GCN1: variants seen among roughly 807,000 people sequenced by gnomAD.
The protein encoded by GCN1 is GCN1 activator of EIF2AK4.
GCN1 carries 90 observed loss-of-function variants against 288.4 expected under a neutral mutation model. The observed-to-expected ratio is 0.31, with a 90% CI of 0.26 to 0.37. The LOEUF is 0.37. Among genes scored for constraint, GCN1 ranks in the 10% least tolerant of loss-of-function variants. The probability of loss-of-function intolerance (pLI) is 1.00; values close to 1 mark genes in which losing one functional copy is unlikely to be tolerated. For synonymous variants in GCN1, 1,386 were observed against 1,420.2 expected, an observed-to-expected ratio of 0.98 and a Z score of 0.54; for missense variants, 2,586 against 3,419.9, an observed-to-expected ratio of 0.76 and a Z score of 6.08.
intron 42 of GCN1, 69 bp from the exon 43 acceptor site, chr12:120,143,010 C>A (rs1023769992): frequency 1.1e-6 from 1 of 889,744 alleles, no homozygotes; most frequent in East Asian, 2.4e-5. Flanking sequence ...GAGCACTGCA[C>A]AGAAGATGGA....
chr12:120,158,647 T>C lies in GCN1; in HGVS notation c.2750-32A>G, dbSNP rs770863414. ...TGAAGAGGAGAGACCCAGCAGGAGA[T>C]GACACACAGAGATGTGGAATCCAGC... On this transcript the variant is annotated intron_variant, in intron 24 of 57. Coordinates refer to ENST00000300648, the MANE Select transcript of GCN1 (RefSeq NM_006836.2). This position sits in a 1 kb window ranked among gnomAD's most constrained non-coding sequence, Gnocchi z 4.3. The C allele has an allele frequency of 7.0e-6, 11 of 1,567,976 alleles. No individual in the cohort carries two copies. Among genetic ancestry groups the C allele is most frequent in the Middle Eastern group, 3.4e-4 (2 of 5,960 alleles).
In GCN1 at chr12:120,190,200, G is replaced by C. The variant is rs1225912555; in HGVS notation, c.121+98C>G. The C allele has an allele frequency of 2.6e-5, 18 of 685,630 alleles. No individual in the cohort carries two copies. In the East Asian group the frequency reaches 4.5e-4, roughly 17 times the overall value. The allele number at this position is 685,630 out of a possible 1,614,324, so 42.5% of individuals were successfully genotyped here. A position where few individuals can be genotyped will look rare whatever the true frequency, so the allele number is the denominator to read the frequency against. On this transcript the variant is annotated intron_variant, in intron 2 of 57. Transcript: ENST00000300648. The stretch of plus-strand genomic sequence containing the variant: ...AGATCGTGCCATTGCACTTCAGCCA[G>C]GGCAACAGTGAGAGACTCTGTCTCA...
Position 120,142,053 on chromosome 12 carries a change from G to A in GCN1, c.5829+454C>T, listed in dbSNP as rs1022875843. Among the ~76,000 whole-genome samples, 4 of 152,196 alleles carry A rather than the reference G, an allele frequency of 2.6e-5. No homozygotes were observed. The highest frequency in any genetic ancestry group is 7.2e-5 in the African/African-American group (3 of 41,444). On this transcript the variant is annotated intron_variant, in intron 44 of 57. Coordinates refer to ENST00000300648, the MANE Select transcript of GCN1 (RefSeq NM_006836.2). This position sits in a 1 kb window ranked among gnomAD's most constrained non-coding sequence, Gnocchi z 4.9. ...TAATAAATATTTGCAGAGGCCAGGC[G>A]TGGTGGCTCAAGCCTGTAATCCCAG...
intron 2 of GCN1, among the ~76,000 whole-genome samples, chr12:120,186,147 TG>T (rs2139143313): frequency 6.6e-6 from 1 of 152,018 alleles, no homozygotes; most frequent in Admixed American, 6.5e-5. Flanking sequence ...AAGACCAGCC[TG>T]GCCAACACGG....
intron 45 of GCN1, 93 bp from the exon 46 acceptor site, chr12:120,138,949 C>T: frequency 5.0e-6 from 5 of 1,003,056 alleles, no homozygotes; most frequent in Non-Finnish European, 7.4e-6. Context: ...TCTGACCCAG[C>T]TAGGCCACCC....
At position 120,134,549 on chromosome 12, in the gene GCN1, C is replaced by G. The variant is rs764974842; in HGVS notation, c.7186G>C (p.Glu2396Gln). 1 of 1,613,850 alleles carries G rather than the reference C, an allele frequency of 6.2e-7. No individual in the cohort carries two copies. Among genetic ancestry groups the G allele is most frequent in the East Asian group, 2.2e-5 (1 of 44,898 alleles). The change falls in exon 52 of 58, where the codon GAG (glutamate) becomes CAG (glutamine). Residue 2396 changes from glutamate to glutamine, a missense_variant. Glu to Gln is a conservative substitution (Grantham distance 29). Coordinates refer to ENST00000300648, the MANE Select transcript of GCN1 (RefSeq NM_006836.2). The surrounding 1 kb of genome is among the most constrained non-coding windows in gnomAD (Gnocchi z 5.0). ...TELLNGIRAM[E>Q]DPGVRDTMLQ... ...GCGCCGTACCTGACACCTGGGTCCT[C>G]CATGGCGCGGATGCCATTGAGCAGC...
Position 120,155,029 on chromosome 12 carries a change from T to TG in GCN1, c.3641dup (p.Val1215SerfsTer49). The TG allele has an allele frequency of 1.9e-6, 3 of 1,613,770 alleles. No homozygotes were observed. Among genetic ancestry groups the TG allele is most frequent in the Non-Finnish European group, 1.7e-6 (2 of 1,179,678 alleles). ...TAACTCGTCCCAAAGCATCCAGCAC[T>TG]GGGGGCGGCCGCTGCAACAGACAAG... is the stretch of plus-strand genomic sequence containing the variant. On this transcript the variant is annotated frameshift_variant, in exon 31 of 58. Coordinates refer to ENST00000300648, the MANE Select transcript of GCN1 (RefSeq NM_006836.2). LOFTEE classifies it high-confidence loss of function. This position sits in a 1 kb window ranked among gnomAD's most constrained non-coding sequence, Gnocchi z 4.9.
Position 120,159,953 on chromosome 12 carries a change from G to T in GCN1, c.2621C>A (p.Thr874Asn). 6.2e-7 allele frequency: 1 copy of T among 1,614,132 alleles called. No individual in the cohort carries two copies. The highest frequency in any genetic ancestry group is 1.3e-5 in the African/African-American group (1 of 75,066). ...IILAKNPSGL[T>N]QYIPVLVDSF... is the part of the protein sequence containing the mutation. Reference sequence around the variant, plus strand: ...GTCGACCAAAACAGGGATGTACTGGGTCAGGCCGGACGGGTTCTTGGCCAG... The same window carrying T: ...GTCGACCAAAACAGGGATGTACTGGTTCAGGCCGGACGGGTTCTTGGCCAG... The change falls in exon 24 of 58, where the codon ACC becomes AAC. Residue 874 changes from threonine to asparagine, a missense_variant. Transcript: ENST00000300648.
chr12:120,138,049 T>C lies in GCN1; in HGVS notation c.6250-5A>G. ...GTTGACAGGTGGCGTTGTCAGCTGGTGGAATGACAAACATTAACTCAGTGA... is the reference window on the plus strand; with the variant it reads ...GTTGACAGGTGGCGTTGTCAGCTGGCGGAATGACAAACATTAACTCAGTGA... On this transcript the variant is annotated splice_polypyrimidine_tract_variant and splice_region_variant and intron_variant, in intron 47 of 57. Transcript: ENST00000300648. 1 of 1,609,636 alleles carries C rather than the reference T, an allele frequency of 6.2e-7. No individual in the cohort carries two copies. The highest frequency in any genetic ancestry group is 1.1e-5 in the South Asian group (1 of 90,468).
At position 120,128,474 on chromosome 12, in the gene GCN1, T is replaced by TAC. The variant is rs202085997; in HGVS notation, c.7891-502_7891-501dup. On this transcript the variant is annotated intron_variant, in intron 57 of 57. Coordinates refer to ENST00000300648, the MANE Select transcript of GCN1 (RefSeq NM_006836.2). ...CCTCAGCTTCCCGAGTAGCTGAGAT[T>TAC]ACAGACATAGCGCCACCACACCTGG... Among the ~76,000 whole-genome samples, 970 of 151,992 alleles carry TAC rather than the reference T, an allele frequency of 6.4e-3. 20 individuals carry two copies. Among genetic ancestry groups the TAC allele is most frequent in the African/African-American group, 0.022 (931 of 41,448 alleles).
intron 46 of GCN1, 32 bp downstream of exon 46, chr12:120,138,663 C>T (rs1191925122): frequency 3.8e-6 from 6 of 1,596,098 alleles, no homozygotes; most frequent in Middle Eastern, 1.7e-4. Flanking sequence ...AAAAGCCAAA[C>T]TGGTAGGTAG....
At chr12:120,128,466 G>A (rs1876692427) in intron 57 of GCN1, among the ~76,000 whole-genome samples, 3 of 151,932 alleles carry the variant, frequency 2.0e-5, no homozygotes, top group East Asian at 1.9e-4. Flanking sequence ...TTCCCGAGTA[G>A]CTGAGATTAC....
chr12:120,160,135 C>T lies in GCN1; in HGVS notation c.2550+7G>A. 6.3e-7 allele frequency: 1 copy of T among 1,598,554 alleles called. No individual in the cohort carries two copies. Among genetic ancestry groups the T allele is most frequent in the Non-Finnish European group, 8.6e-7 (1 of 1,166,602 alleles). On this transcript the variant is annotated splice_region_variant and intron_variant, in intron 23 of 57. Coordinates refer to ENST00000300648, the MANE Select transcript of GCN1 (RefSeq NM_006836.2). ...GGCTTGAGCATGTGGCGGAGGTGGC[C>T]ACTCACCTCCTGCAGCCGCCTCCGG... is the stretch of plus-strand genomic sequence containing the variant.
intron 15 of GCN1, 63 bp downstream of exon 15, chr12:120,170,106 C>A: frequency 7.0e-7 from 1 of 1,438,102 alleles, no homozygotes. Context: ...TCAAGACACA[C>A]CTCCCAAGGA....
Position 120,145,307 on chromosome 12 carries a change from G to A in GCN1, c.4971C>T (p.Ser1657=), listed in dbSNP as rs758409459. 5.0e-6 allele frequency: 8 copies of A among 1,599,054 alleles called. No individual in the cohort carries two copies. Among genetic ancestry groups the A allele is most frequent in the South Asian group, 2.2e-5 (2 of 89,174 alleles). ...DQKDLAPYLP[S]VTPGLKASLL... is the part of the protein sequence containing the mutation. ...GCGATGCTTTCAGGCCAGGCGTCAC[G>A]CTGGGCAGGTACGGAGCCAAGTCCT... The change falls in exon 39 of 58, where the codon AGC becomes AGT. Residue 1657 remains serine, a synonymous_variant. Transcript: ENST00000300648.
chr12:120,161,530 T>C lies in GCN1; in HGVS notation c.2396A>G (p.Tyr799Cys), dbSNP rs1442462469. 1.2e-6 allele frequency: 2 copies of C among 1,614,058 alleles called. No individual in the cohort carries two copies. Among genetic ancestry groups the C allele is most frequent in the Non-Finnish European group, 1.7e-6 (2 of 1,179,904 alleles). ...CTCGATGATCTGCTCTTTGAAGGAA[T>C]AAGCTTTGTTCTCTCGCTTCATGTT... ...KANMKRENKA[Y>C]SFKEQIIELE... is the part of the protein sequence containing the mutation. The change falls in exon 22 of 58, where the codon TAT (tyrosine) becomes TGT (cysteine). Residue 799 changes from tyrosine to cysteine, a missense_variant. Physicochemically the swap from Tyr to Cys is radical, Grantham distance 194. Around this residue, in one of 8 missense-constraint regions of GCN1, gnomAD observed 913 missense variants for 1,107.0 expected, o/e 0.82. Transcript: ENST00000300648.
chr12:120,190,327 C>T lies in GCN1; in HGVS notation c.92G>A (p.Ser31Asn), dbSNP rs1431290954. ...ASVKERREIL[S>N]ELGKCVAGKD... ...TCCAGCAACACACTTCCCAAGTTCACTGAGGATTTCTCTCCGTTCCTTTAC... is the reference window on the plus strand; with the variant it reads ...TCCAGCAACACACTTCCCAAGTTCATTGAGGATTTCTCTCCGTTCCTTTAC... The change falls in exon 2 of 58, where the codon AGT becomes AAT. Residue 31 changes from serine (S) to asparagine (N), a missense_variant. Around this residue, in one of 8 missense-constraint regions of GCN1, gnomAD observed 913 missense variants for 1,107.0 expected, o/e 0.82. Coordinates refer to ENST00000300648, the MANE Select transcript of GCN1 (RefSeq NM_006836.2). 6.2e-7 allele frequency: 1 copy of T among 1,601,024 alleles called. No homozygotes were observed. The highest frequency in any genetic ancestry group is 1.1e-5 in the South Asian group (1 of 90,836).
In GCN1 at chr12:120,134,839, T is replaced by G; in HGVS notation, c.7009-113A>C. ...CAAACCACCACAGCGAGTCCAGCTC[T>G]CATACAGGGCTGGGGACAGATAGCC... On this transcript the variant is annotated intron_variant, in intron 51 of 57. Coordinates refer to ENST00000300648, the MANE Select transcript of GCN1 (RefSeq NM_006836.2). The surrounding 1 kb of genome is among the most constrained non-coding windows in gnomAD (Gnocchi z 5.0). 1 of 889,596 alleles carries G rather than the reference T, an allele frequency of 1.1e-6. No individual in the cohort carries two copies. The highest frequency in any genetic ancestry group is 1.8e-6 in the Non-Finnish European group (1 of 557,994). The allele number at this position is 889,596 out of a possible 1,614,324, so 55.1% of individuals were successfully genotyped here.
In GCN1 at chr12:120,142,778, G is replaced by A. The variant is rs1345171619; in HGVS notation, c.5613+46C>T. ...TGAAGCCTCTATGGCATGGGCATCA[G>A]GGCACACCCTACCATCAGCAGGGGC... is the stretch of plus-strand genomic sequence containing the variant. On this transcript the variant is annotated intron_variant, in intron 43 of 57. Coordinates refer to ENST00000300648, the MANE Select transcript of GCN1 (RefSeq NM_006836.2). The surrounding 1 kb of genome is among the most constrained non-coding windows in gnomAD (Gnocchi z 4.9). 1 of 1,597,140 alleles carries A rather than the reference G, an allele frequency of 6.3e-7. No individual in the cohort carries two copies. Among genetic ancestry groups the A allele is most frequent in the Admixed American group, 1.7e-5 (1 of 59,986 alleles).
Sources: allele counts gnomAD v4.1 joint callset (sites outside exome capture counted in the v4.1 genomes callset), GRCh38; gene constraint gnomAD v4.1.1; regional missense constraint gnomAD v4.1.1; non-coding constraint Gnocchi (gnomAD v3.1); transcripts MANE v1.5; gene names NCBI Gene and HGNC (gene_info 2026-07-23, HGNC 2026-07-21).